SUPT3H: variants seen among roughly 807,000 people sequenced by gnomAD.
SUPT3H encodes SPT3 homolog, SAGA and STAGA complex component, also known as transcription initiation protein SPT3 homolog.
SUPT3H carries 44 observed loss-of-function variants against 44.3 expected under a neutral mutation model. The ratio of observed to expected loss-of-function variants is 0.99; its 90% CI spans 0.78 to 1.28. The LOEUF is 1.28. SUPT3H is among the 50% of genes most tolerant of loss of function. The pLI is 0.00. For synonymous variants in SUPT3H, 124 were observed against 125.6 expected (o/e 0.99, Z 0.09); for missense variants, 380 against 387.1 (o/e 0.98, Z 0.15).
At chr6:45,042,602 G>A (rs1478614478) in intron 3 of SUPT3H, among the ~76,000 whole-genome samples, 4 of 152,092 alleles carry the variant, frequency 2.6e-5, no homozygotes, top group African/African-American at 4.8e-5. Context: ...TGTGCACAAC[G>A]TGCTGGAGAG....
intron 2 of SUPT3H, among the ~76,000 whole-genome samples, chr6:45,132,146 G>C (rs1227606797): frequency 6.6e-6 from 1 of 152,158 alleles, no homozygotes; most frequent in African/African-American, 2.4e-5. Context: ...ACTGCAGAAA[G>C]CTAAACTGCA....
At chr6:45,063,097 C>A (rs543514703) in intron 3 of SUPT3H, among the ~76,000 whole-genome samples, 6,930 of 146,118 alleles carry the variant, frequency 0.047, 641 homozygotes, top group African/African-American at 0.17. Flanking sequence ...GTTCTCCCAG[C>A]ACGCAGCTGG....
chr6:45,001,344 G>GGT (rs1465564355), intron 6 of SUPT3H, among the ~76,000 whole-genome samples: 1 of 151,964 alleles, frequency 6.6e-6, no homozygotes, highest in African/African-American at 2.4e-5. Flanking sequence ...CTCTACTATA[G>GGT]GTATGCCCAA....
chr6:45,242,981 G>T (rs1295209494), intron 2 of SUPT3H, among the ~76,000 whole-genome samples: 16 of 152,096 alleles, frequency 1.1e-4, no homozygotes, highest in Admixed American at 8.5e-4. Flanking sequence ...GATTACTTGA[G>T]GTCAGGATTT....
At chr6:45,320,760 G>A (rs970857935) in intron 2 of SUPT3H, among the ~76,000 whole-genome samples, 1 of 152,110 alleles carries the variant, frequency 6.6e-6, no homozygotes, top group Non-Finnish European at 1.5e-5. Flanking sequence ...TCCTGGTAGG[G>A]CATCAACTAG....
At chr6:44,953,448 G>C (rs2153473796) in intron 8 of SUPT3H, 31 bp from the exon 9 acceptor site, 1 of 1,568,182 alleles carries the variant, frequency 6.4e-7, no homozygotes, top group East Asian at 2.2e-5. Flanking sequence ...AAGTCACATA[G>C]CTAGAAATAA....
intron 3 of SUPT3H, among the ~76,000 whole-genome samples, chr6:45,039,223 C>A (rs551200810): frequency 2.0e-5 from 3 of 152,024 alleles, no homozygotes; most frequent in African/African-American, 7.2e-5. Flanking sequence ...AAGAAAAAGA[C>A]GCATTTAAGT....
intron 3 of SUPT3H, among the ~76,000 whole-genome samples, chr6:45,074,929 A>G (rs1378653148): frequency 6.6e-6 from 1 of 152,076 alleles, no homozygotes; most frequent in Admixed American, 6.6e-5. Context: ...ACATATACTG[A>G]GTTTCTGCTA....
At chr6:45,225,240 C>T (rs1766750094) in intron 2 of SUPT3H, among the ~76,000 whole-genome samples, 1 of 147,426 alleles carries the variant, frequency 6.8e-6, no homozygotes, top group Admixed American at 6.8e-5. Flanking sequence ...GATTTAGCTA[C>T]TGCACTCCAG....
chr6:45,291,740 A>G (rs1780342238), intron 2 of SUPT3H, among the ~76,000 whole-genome samples: 1 of 152,146 alleles, frequency 6.6e-6, no homozygotes, highest in Admixed American at 6.5e-5. Context: ...TCCAACAAAG[A>G]CCAAAAAAAT....
chr6:45,168,127 T>C (rs1810201579), intron 2 of SUPT3H, among the ~76,000 whole-genome samples: 1 of 152,068 alleles, frequency 6.6e-6, no homozygotes, highest in South Asian at 2.1e-4. Flanking sequence ...ACTTCTTACA[T>C]CATATGAAAG....
At chr6:44,916,914 T>A (rs1767894570) in intron 10 of SUPT3H, among the ~76,000 whole-genome samples, 1 of 152,110 alleles carries the variant, frequency 6.6e-6, no homozygotes, top group African/African-American at 2.4e-5. Flanking sequence ...GGCAGCTGGA[T>A]CGCTTGAGTT....
intron 5 of SUPT3H, among the ~76,000 whole-genome samples, chr6:45,007,206 A>G (rs534253664): frequency 4.4e-4 from 67 of 152,208 alleles, no homozygotes; most frequent in African/African-American, 1.5e-3. Flanking sequence ...GAGGTAGAGG[A>G]GGCTGAGCTT....
intron 2 of SUPT3H, among the ~76,000 whole-genome samples, chr6:45,176,252 G>C (rs547364315): frequency 6.6e-6 from 1 of 151,908 alleles, no homozygotes; most frequent in Non-Finnish European, 1.5e-5. Context: ...GCGAGGCATT[G>C]CCTCACCTGG....
chr6:44,965,092 C>G (rs1202498320), intron 6 of SUPT3H, among the ~76,000 whole-genome samples: 1 of 152,174 alleles, frequency 6.6e-6, no homozygotes, highest in African/African-American at 2.4e-5. Flanking sequence ...GTAGCTCCTA[C>G]AATTAACATG....
intron 2 of SUPT3H, among the ~76,000 whole-genome samples, chr6:45,214,945 T>C (rs1282322350): frequency 6.6e-6 from 1 of 152,078 alleles, no homozygotes; most frequent in Non-Finnish European, 1.5e-5. Context: ...GCAGAGCCGC[T>C]GTGCCCAGTG....
chr6:44,928,896 A>T (rs866707540), intron 10 of SUPT3H, among the ~76,000 whole-genome samples: 3 of 132,486 alleles, frequency 2.3e-5, no homozygotes, highest in African/African-American at 8.5e-5. Context: ...AAAAAAAAAA[A>T]AAAAAAAAGA....
chr6:45,322,374 C>A (rs1348350246), intron 2 of SUPT3H, among the ~76,000 whole-genome samples: 1 of 150,602 alleles, frequency 6.6e-6, no homozygotes, highest in African/African-American at 2.4e-5. Context: ...AAAATGTATA[C>A]TTTTATAATT....
At chr6:44,867,672 T>C (rs545545938) in intron 10 of SUPT3H, among the ~76,000 whole-genome samples, 3 of 152,240 alleles carry the variant, frequency 2.0e-5, no homozygotes, top group East Asian at 1.9e-4. Flanking sequence ...TAGAATCTCA[T>C]TGGTTCACAC....
Sources: gnomAD v4.1 joint callset for allele counts (sites outside exome capture counted in the v4.1 genomes callset) on GRCh38, gnomAD v4.1.1 for gene constraint, MANE v1.5 for transcripts, NCBI Gene and HGNC (gene_info 2026-07-23, HGNC 2026-07-21) for gene names.